KANK1: variants seen among roughly 807,000 people sequenced by gnomAD.
KANK1 encodes KN motif and ankyrin repeat domains 1, also known as KN motif and ankyrin repeat domain-containing protein 1.
In KANK1, 109 loss-of-function variants were observed where a neutral mutation model predicts 106.2. The observed-to-expected ratio is 1.03, with a 90% CI of 0.88 to 1.20. KANK1 has a LOEUF of 1.20. KANK1 is among the 50% of genes most tolerant of loss of function. The pLI, the probability that KANK1 is intolerant of heterozygous loss-of-function variation, is 0.00. For missense variants in KANK1, 2,399 were observed against 1,710.7 expected (o/e 1.40, Z -7.10); for synonymous variants, 873 against 652.2 (o/e 1.34, Z -5.16).
chr9:671,800 T>C (rs1250538975), intron 1 of KANK1, among the ~76,000 whole-genome samples: 1 of 151,406 alleles, frequency 6.6e-6, no homozygotes, highest in Non-Finnish European at 1.5e-5. Flanking sequence ...ATGCAAAAAT[T>C]AGCTGGGCAT....
chr9:549,235 C>A (rs752673166), intron 1 of KANK1: 9 of 152,428 alleles, frequency 5.9e-5, no homozygotes, highest in Non-Finnish European at 1.0e-4. Context: ...CCTCCCAGAA[C>A]CTTCCTGTAA....
chr9:732,659 T>G (rs1193891116), intron 6 of KANK1, 42 bp downstream of exon 6: 1 of 1,597,438 alleles, frequency 6.3e-7, no homozygotes. Context: ...CTCCCACATT[T>G]AATGTACTTT....
At chr9:540,638 G>C (rs781664768) in intron 1 of KANK1, 1 of 152,178 alleles carries the variant, frequency 6.6e-6, no homozygotes, top group Non-Finnish European at 1.5e-5. Context: ...CAGTGAAGCC[G>C]TGACATCCTG....
chr9:533,697 A>G (rs1465570803), intron 1 of KANK1, among the ~76,000 whole-genome samples: 1 of 152,184 alleles, frequency 6.6e-6, no homozygotes, highest in Non-Finnish European at 1.5e-5. Context: ...CCAGTCTGTC[A>G]AAACTGAGGT....
At chr9:656,618 C>G (rs545931970) in intron 1 of KANK1, among the ~76,000 whole-genome samples, 2 of 152,138 alleles carry the variant, frequency 1.3e-5, no homozygotes, top group African/African-American at 4.8e-5. Context: ...GCAGATGCCC[C>G]TACTCCCTCC....
chr9:737,055 A>C (rs1005297808), intron 7 of KANK1, among the ~76,000 whole-genome samples: 4 of 152,234 alleles, frequency 2.6e-5, no homozygotes, highest in Non-Finnish European at 5.9e-5. Flanking sequence ...GAAAGTGTTT[A>C]AAGTATTGTG....
chr9:587,408 C>T (rs1823767666), intron 1 of KANK1, among the ~76,000 whole-genome samples: 1 of 152,032 alleles, frequency 6.6e-6, no homozygotes, highest in East Asian at 1.9e-4. Flanking sequence ...ACACAATATG[C>T]ACAGACTAGA....
At chr9:526,772 T>C (rs9407292) in intron 1 of KANK1, among the ~76,000 whole-genome samples, 59,808 of 151,140 alleles carry the variant, frequency 0.4, 13,739 homozygotes, top group African/African-American at 0.61. Flanking sequence ...CTGCTTTAGA[T>C]CTGTGAAAAT....
chr9:661,206 T>C (rs1166783151), intron 1 of KANK1, among the ~76,000 whole-genome samples: 1 of 152,138 alleles, frequency 6.6e-6, no homozygotes, highest in African/African-American at 2.4e-5. Context: ...ACATGTGCCA[T>C]GTTGGTGTGC....
At chr9:598,331 T>A (rs561516975) in intron 1 of KANK1, among the ~76,000 whole-genome samples, 2 of 151,656 alleles carry the variant, frequency 1.3e-5, no homozygotes, top group Admixed American at 1.3e-4. Flanking sequence ...TTAGTGTTGT[T>A]TTGGCTATTT....
At chr9:598,615 G>GTTTTT (rs1306483082) in intron 1 of KANK1, among the ~76,000 whole-genome samples, 3 of 73,332 alleles carry the variant, frequency 4.1e-5, no homozygotes, top group East Asian at 8.6e-4. Flanking sequence ...TGTTTTGTTG[G>GTTTTT]TTTTCTTTTT....
chr9:654,810 TGTGTGAGAGAGAGA>T (rs1169514228), intron 1 of KANK1, among the ~76,000 whole-genome samples: 22 of 91,810 alleles, frequency 2.4e-4, no homozygotes, highest in East Asian at 5.8e-4. Context: ...TGTGTGTGTG[TGTGTGAGAGAGAGA>T]GAGAGAGAGA....
At chr9:721,466 C>G (rs539649002) in intron 3 of KANK1, among the ~76,000 whole-genome samples, 1 of 152,224 alleles carries the variant, frequency 6.6e-6, no homozygotes, top group African/African-American at 2.4e-5. Flanking sequence ...GCACTTTATG[C>G]AAATAATTAG....
intron 2 of KANK1, among the ~76,000 whole-genome samples, chr9:682,793 G>A (rs140220930): frequency 2.0e-5 from 3 of 152,274 alleles, no homozygotes; most frequent in Non-Finnish European, 4.4e-5. Context: ...TTTGGCTCCA[G>A]CTTTTGTCTC....
At chr9:491,338 G>A (rs1376761611) in intron 3 of KANK1, among the ~76,000 whole-genome samples, 5 of 151,166 alleles carry the variant, frequency 3.3e-5, no homozygotes, top group Non-Finnish European at 5.9e-5. Context: ...CATGATCTCA[G>A]CTCACTGCAA....
chr9:535,658 C>T (rs889026718), intron 1 of KANK1, among the ~76,000 whole-genome samples: 1 of 152,186 alleles, frequency 6.6e-6, no homozygotes, highest in Non-Finnish European at 1.5e-5. Flanking sequence ...GTTGTTAGGG[C>T]CTTTGCCCGC....
intron 1 of KANK1, among the ~76,000 whole-genome samples, chr9:634,538 A>G (rs532797296): frequency 5.9e-5 from 9 of 152,280 alleles, no homozygotes; most frequent in African/African-American, 2.2e-4. Context: ...TATAGAAAGT[A>G]TGCTTACATG....
At chr9:504,960 T>C (rs572643786) in intron 1 of KANK1, among the ~76,000 whole-genome samples, 1 of 147,394 alleles carries the variant, frequency 6.8e-6, no homozygotes, top group East Asian at 2.0e-4. Context: ...GGGGCGGTCC[T>C]GGGGGGGGGT....
At chr9:515,793 T>C (rs2059255187) in intron 1 of KANK1, among the ~76,000 whole-genome samples, 1 of 151,834 alleles carries the variant, frequency 6.6e-6, no homozygotes, top group African/African-American at 2.4e-5. Context: ...ATAAGCTATA[T>C]ATTGTGAGGC....
Sources: gnomAD v4.1 joint callset for allele counts (sites outside exome capture counted in the v4.1 genomes callset) on GRCh38, gnomAD v4.1.1 for gene constraint, MANE v1.5 for transcripts, NCBI Gene and HGNC (gene_info 2026-07-23, HGNC 2026-07-21) for gene names.